Variants in SSC5D observed in about 807,000 individuals in gnomAD.
SSC5D encodes the protein soluble scavenger receptor cysteine-rich domain-containing protein SSC5D.
In SSC5D, 106 loss-of-function variants were observed where a neutral mutation model predicts 104.6. The ratio of observed to expected loss-of-function variants is 1.01; its 90% CI spans 0.87 to 1.19. The LOEUF is 1.19. SSC5D is among the 50% of genes most tolerant of loss of function. SSC5D has a pLI of 0.00. For synonymous variants in SSC5D, 860 were observed against 883.5 expected (o/e 0.97, Z 0.47); for missense variants, 1,993 against 2,153.8 (o/e 0.93, Z 1.48).
rs1407969107 is a variant in SSC5D, at chr19:55,518,117, C to T, written c.3841C>T (p.Pro1281Ser). 1 of 1,462,574 alleles carries T rather than the reference C, an allele frequency of 6.8e-7. No individual in the cohort carries two copies. Among genetic ancestry groups the T allele is most frequent in the Admixed American group, 2.1e-5 (1 of 47,284 alleles). 90.6% of individuals were successfully genotyped at this position (1,462,574 alleles called of 1,614,324 possible). Residue 1281 changes from proline (P) to serine (S), a missense_variant, in exon 14 of 14, where the codon CCT becomes TCT. Transcript: ENST00000389623. ...PTTMPHPTTT[P>S]HPTTTPHPTT... The stretch of plus-strand genomic sequence containing the variant: ...CACGATGCCTCATCCCACCACGACC[C>T]CTCACCCCACCACGACTCCTCACCC...
intron 12 of SSC5D, among the ~76,000 whole-genome samples, chr19:55,509,418 G>A (rs534945617): frequency 3.3e-5 from 5 of 152,258 alleles, no homozygotes; most frequent in Admixed American, 6.5e-5. Context: ...AGAGTTCACT[G>A]AAGCCATATT....
rs935818336 is a variant in SSC5D, at chr19:55,504,035, G to C, written c.2785+2834G>C. ...GGGCCTTGAGGTGGGGAAAGGGAGGGAGGAAGCAGGCCCTAGAGGCGCCGT... is the reference window on the plus strand; with the variant it reads ...GGGCCTTGAGGTGGGGAAAGGGAGGCAGGAAGCAGGCCCTAGAGGCGCCGT... On this transcript the variant is annotated intron_variant, in intron 12 of 13. Transcript: ENST00000389623. The C allele has an allele frequency of 4.0e-5, 54 of 1,357,140 alleles. No individual in the cohort carries two copies. In the East Asian group the frequency reaches 1.1e-3, roughly 28 times the overall value. 84.1% of individuals were successfully genotyped at this position (1,357,140 alleles called of 1,614,324 possible).
intron 12 of SSC5D, among the ~76,000 whole-genome samples, chr19:55,505,696 T>C (rs1987623243): frequency 1.3e-5 from 2 of 151,696 alleles, no homozygotes; most frequent in Admixed American, 1.3e-4. Flanking sequence ...TCCTCTGCCT[T>C]CGTATTTTTC....
At position 55,500,038 on chromosome 19, in the gene SSC5D, C is replaced by T; in HGVS notation, c.1928C>T (p.Pro643Leu). ...TKNAKRPTTQPPVMPTTKHSR... is the reference protein window; with the variant it reads ...TKNAKRPTTQLPVMPTTKHSR... ...AATGCAAAGAGACCAACCACTCAAC[C>T]CCCAGTGATGCCAACCACGAAACAC... Residue 643 changes from proline to leucine, a missense_variant, in exon 10 of 14, where the codon CCC becomes CTC. Around this residue, in one of 6 missense-constraint regions of SSC5D, gnomAD observed 1,101 missense variants for 1,085.0 expected, o/e 1.01. Transcript: ENST00000389623. The surrounding 1 kb of genome is among the most constrained non-coding windows in gnomAD (Gnocchi z 4.6). 6.4e-7 allele frequency: 1 copy of T among 1,551,782 alleles called. No homozygotes were observed.
chr19:55,493,875 C>G lies in SSC5D; in HGVS notation c.1176C>G (p.Asp392Glu), dbSNP rs1568476013. Residue 392 changes from aspartate (D) to glutamate (E), a missense_variant, in exon 7 of 14, where the codon GAC becomes GAG. Asp to Glu is a conservative substitution (Grantham distance 45, BLOSUM62 2). Coordinates refer to ENST00000389623, the MANE Select transcript of SSC5D (RefSeq NM_001144950.2). ...CAGCTCGGCCCTGGGGCCAGCATGACTGTCACCACCGCGAGGACGCCGGGG... is the reference window on the plus strand; with the variant it reads ...CAGCTCGGCCCTGGGGCCAGCATGAGTGTCACCACCGCGAGGACGCCGGGG... ...FCPARPWGQHDCHHREDAGAV... is the reference protein window; with the variant it reads ...FCPARPWGQHECHHREDAGAV... The G allele has an allele frequency of 1.9e-6, 3 of 1,548,310 alleles. No homozygotes were observed. Among genetic ancestry groups the G allele is most frequent in the South Asian group, 2.4e-5 (2 of 84,064 alleles).
intron 12 of SSC5D, among the ~76,000 whole-genome samples, chr19:55,501,606 T>C (rs1987506957): frequency 6.6e-6 from 1 of 152,136 alleles, no homozygotes. Context: ...CTGGTATGGC[T>C]CAGAGGTGGG....
chr19:55,488,931 G>A, intron 1 of SSC5D, 75 bp from the exon 2 acceptor site: 1 of 277,782 alleles, frequency 3.6e-6, no homozygotes, highest in Non-Finnish European at 5.1e-6. Flanking sequence ...TATTCAAGAT[G>A]AGGGGCCTGC....
intron 4 of SSC5D, 88 bp from the exon 5 acceptor site, chr19:55,490,210 C>A: frequency 1.6e-6 from 1 of 639,616 alleles, no homozygotes; most frequent in Non-Finnish European, 2.8e-6. Context: ...TCCATCACTT[C>A]AGACCCTCAG....
At position 55,489,346 on chromosome 19, in the gene SSC5D, AC is replaced by A. The variant is rs1987058309; in HGVS notation, c.53-5del. ...CTCCCCAGTCACAGCCATTCCTCCA[AC>A]CCTCAGAGCGCCTGCGCCTGGCCGA... On this transcript the variant is annotated splice_polypyrimidine_tract_variant and splice_region_variant and intron_variant, in intron 2 of 13. Coordinates refer to ENST00000389623, the MANE Select transcript of SSC5D (RefSeq NM_001144950.2). The A allele has an allele frequency of 7.0e-7, 1 of 1,435,356 alleles. No homozygotes were observed. Among genetic ancestry groups the A allele is most frequent in the Non-Finnish European group, 9.1e-7 (1 of 1,101,938 alleles). 88.9% of individuals were successfully genotyped at this position (1,435,356 alleles called of 1,614,324 possible).
intron 12 of SSC5D, among the ~76,000 whole-genome samples, chr19:55,511,494 T>G (rs966647740): frequency 6.6e-6 from 1 of 152,086 alleles, no homozygotes; most frequent in African/African-American, 2.4e-5. Context: ...CTGGGAGGTG[T>G]GAAAAGCCTG....
rs1335949586 is a variant in SSC5D at position 55,501,188 on chromosome 19, C to T, written c.2772C>T (p.Arg924=). Reference sequence around the variant, plus strand: ...GTAGCTCCTCCCCAGCAATAAGGCGCCTGCCGGACACAGGTGAGAGGCCTG... The same window carrying T: ...GTAGCTCCTCCCCAGCAATAAGGCGTCTGCCGGACACAGGTGAGAGGCCTG... The part of the protein sequence containing the change: ...RPGSSSPAIR[R]LPDTGSKDGY... The change falls in exon 12 of 14, where the codon CGC becomes CGT. Residue 924 remains arginine (R), a synonymous_variant. Transcript: ENST00000389623. The T allele has an allele frequency of 1.3e-6, 2 of 1,533,344 alleles. No individual in the cohort carries two copies. Among genetic ancestry groups the T allele is most frequent in the Admixed American group, 2.1e-5 (1 of 47,468 alleles). 95.0% of individuals were successfully genotyped at this position (1,533,344 alleles called of 1,614,324 possible). A position where few individuals can be genotyped will look rare whatever the true frequency, so the allele number is the denominator to read the frequency against.
In SSC5D at chr19:55,489,558, A is replaced by G; in HGVS notation, c.257A>G (p.Glu86Gly). 1 of 1,504,090 alleles carries G rather than the reference A, an allele frequency of 6.6e-7. No individual in the cohort carries two copies. Among genetic ancestry groups the G allele is most frequent in the Non-Finnish European group, 8.8e-7 (1 of 1,130,602 alleles). 93.2% of individuals were successfully genotyped at this position (1,504,090 alleles called of 1,614,324 possible). A position where few individuals can be genotyped will look rare whatever the true frequency, so the allele number is the denominator to read the frequency against. ...GEGAGPVWLS[E>G]LACRGNEGQL... ...GGGGCAGGGCCTGTGTGGCTCAGCG[A>G]GCTGGCTTGCCGGGGCAACGAGGGG... The change falls in exon 3 of 14, where the codon GAG (glutamate) becomes GGG (glycine). Residue 86 changes from glutamate (E) to glycine (G), a missense_variant. This residue lies in a region of SSC5D where 1,101 missense variants were observed against 1,085.0 expected (regional missense o/e 1.01). Coordinates refer to ENST00000389623, the MANE Select transcript of SSC5D (RefSeq NM_001144950.2).
chr19:55,488,513 C>G lies in SSC5D; in HGVS notation c.-77C>G. ...CCAGCAGGCACTTCCCTCCCTCCCT[C>G]TCTCCCCAGCTGCCTCCTCCTCTTC... On this transcript the variant is annotated 5_prime_UTR_variant, in exon 1 of 14. Transcript: ENST00000389623. The G allele has an allele frequency of 7.3e-7, 1 of 1,372,460 alleles. No homozygotes were observed. Among genetic ancestry groups the G allele is most frequent in the Non-Finnish European group, 1.0e-6 (1 of 986,564 alleles). 85.0% of individuals were successfully genotyped at this position (1,372,460 alleles called of 1,614,324 possible). A position where few individuals can be genotyped will look rare whatever the true frequency, so the allele number is the denominator to read the frequency against.
At chr19:55,504,081 C>T (rs7257434) in intron 12 of SSC5D, 895,606 of 1,527,340 alleles carry the variant, frequency 0.59, 267,750 homozygotes, top group Middle Eastern at 0.65. Context: ...TGGGTGGGCT[C>T]CAGCTGTGAG....
Position 55,495,246 on chromosome 19 carries a change from T to A in SSC5D, c.1387+463T>A, listed in dbSNP as rs866378424. Among the ~76,000 whole-genome samples, 503 of 108,142 alleles carry A rather than the reference T, an allele frequency of 4.7e-3. 28 individuals are homozygous for A. Among genetic ancestry groups the A allele is most frequent in the African/African-American group, 0.015 (442 of 29,332 alleles). 70.9% of individuals were successfully genotyped at this position (108,142 alleles called of 152,430 possible). A position where few individuals can be genotyped will look rare whatever the true frequency, so the allele number is the denominator to read the frequency against. ...ATATATATATATATTTTTTTTTTTT[T>A]TTTTTTTTTTTTTTGAGAGTGGATT... On this transcript the variant is annotated intron_variant, in intron 8 of 13. Coordinates refer to ENST00000389623, the MANE Select transcript of SSC5D (RefSeq NM_001144950.2).
chr19:55,502,804 C>T (rs1436023898), intron 12 of SSC5D, among the ~76,000 whole-genome samples: 1 of 151,366 alleles, frequency 6.6e-6, no homozygotes, highest in East Asian at 2.0e-4. Context: ...TACAGATGCA[C>T]ACCACCATGC....
intron 12 of SSC5D, among the ~76,000 whole-genome samples, chr19:55,508,302 C>A (rs1987682843): frequency 6.6e-6 from 1 of 152,096 alleles, no homozygotes; most frequent in African/African-American, 2.4e-5. Flanking sequence ...CCTATGAGGT[C>A]ATGCAGGGAG....
rs116576404 is a variant in SSC5D at position 55,517,020 on chromosome 19, G to C, written c.2948-204G>C. On this transcript the variant is annotated intron_variant, in intron 13 of 13. Transcript: ENST00000389623. Reference sequence around the variant, plus strand: ...CGGAGCATCCCCGCATCCTCCCGCAGTGGAGGACGCCAGGTGGCGCCTGGA... The same window carrying C: ...CGGAGCATCCCCGCATCCTCCCGCACTGGAGGACGCCAGGTGGCGCCTGGA... Among the ~76,000 whole-genome samples, 356 of 152,272 alleles carry C rather than the reference G, an allele frequency of 2.3e-3. 2 individuals are homozygous for C. Among genetic ancestry groups the C allele is most frequent in the African/African-American group, 8.4e-3 (348 of 41,562 alleles).
rs752870911 is a variant in SSC5D, at chr19:55,517,283, G to A, written c.3007G>A (p.Ala1003Thr). 2 of 1,547,474 alleles carry A rather than the reference G, an allele frequency of 1.3e-6. No individual in the cohort carries two copies. Among genetic ancestry groups the A allele is most frequent in the Non-Finnish European group, 8.7e-7 (1 of 1,146,732 alleles). The change falls in exon 14 of 14, where the codon GCG (alanine) becomes ACG (threonine). Residue 1003 changes from alanine (A) to threonine (T), a missense_variant. Transcript: ENST00000389623. ...ACCGCGGCCCGCTGCGACCAGGACA[G>A]CGCCCCCAACCCCGTCCCCAGGTCC... ...RPPRPAATRT[A>T]PPTPSPGPSA...
Sources: allele counts gnomAD v4.1 joint callset (sites outside exome capture counted in the v4.1 genomes callset), GRCh38; gene constraint gnomAD v4.1.1; regional missense constraint gnomAD v4.1.1; non-coding constraint Gnocchi (gnomAD v3.1); transcripts MANE v1.5; gene names NCBI Gene and HGNC (gene_info 2026-07-23, HGNC 2026-07-21).